The following KLF12 variants were observed in gnomAD, a reference collection of about 807,000 sequenced individuals.
KLF12 encodes Krueppel-like factor 12.
A neutral mutation model predicts 37.8 loss-of-function variants in KLF12; 9 were observed. That is an observed-to-expected ratio of 0.24 (90% CI 0.14 to 0.42). KLF12 has a LOEUF of 0.42. KLF12 is among the 10% of genes least tolerant of loss of function. KLF12 has a pLI of 1.00. For synonymous variants in KLF12, 208 were observed against 202.1 expected (o/e 1.03, Z -0.25); for missense variants, 411 against 516.0 (o/e 0.80, Z 1.97).
chr13:73,743,389 T>C (rs1878138829), intron 6 of KLF12, among the ~76,000 whole-genome samples: 1 of 152,232 alleles, frequency 6.6e-6, no homozygotes, highest in East Asian at 1.9e-4. Context: ...CAGGATCAAC[T>C]CTTCTTGTAT....
chr13:73,815,615 A>G (rs2138455490), intron 4 of KLF12, among the ~76,000 whole-genome samples: 1 of 152,336 alleles, frequency 6.6e-6, no homozygotes, highest in East Asian at 1.9e-4. Context: ...TCCAAATCAC[A>G]TATTGTATGG....
intron 6 of KLF12, among the ~76,000 whole-genome samples, chr13:73,738,570 G>A (rs1877704362): frequency 1.3e-5 from 2 of 152,090 alleles, no homozygotes; most frequent in African/African-American, 2.4e-5. Flanking sequence ...AAGTAAATAT[G>A]TATTATGTTT....
rs144571228 is a variant in KLF12, at chr13:73,876,258, T to C, written c.124-29885A>G. ...CAGATTATTGGCTGAATTCAGTTCC[T>C]TGTGGCTGTAGGACAGATGCCTTTC... On this transcript the variant is annotated intron_variant, in intron 3 of 7. Coordinates refer to ENST00000377669, the MANE Select transcript of KLF12 (RefSeq NM_007249.5). 7.7e-4 allele frequency among the ~76,000 whole-genome samples: 117 copies of C among 152,334 alleles called. 1 individual carries two copies. The highest frequency in any genetic ancestry group is 3.4e-3 in the Middle Eastern group (1 of 294).
the KLF12 span, among the ~76,000 whole-genome samples, chr13:74,290,567 A>G: frequency 2.0e-5 from 3 of 152,158 alleles, no homozygotes; most frequent in African/African-American, 4.8e-5. Context: ...CGCCAATGAG[A>G]CTGTATTTCA....
At chr13:74,004,536 C>T (rs1892362520) in intron 1 of KLF12, among the ~76,000 whole-genome samples, 1 of 152,096 alleles carries the variant, frequency 6.6e-6, no homozygotes, top group African/African-American at 2.4e-5. Context: ...CTTGGTATAA[C>T]TTCATCATGC....
intron 3 of KLF12, among the ~76,000 whole-genome samples, chr13:73,877,107 T>C (rs1214499201): frequency 6.6e-6 from 1 of 152,214 alleles, no homozygotes; most frequent in South Asian, 2.1e-4. Context: ...AAATTATACA[T>C]TGAACCTCTG....
chr13:73,736,096 C>A (rs942184924), intron 6 of KLF12, among the ~76,000 whole-genome samples: 1 of 152,080 alleles, frequency 6.6e-6, no homozygotes, highest in African/African-American at 2.4e-5. Flanking sequence ...ATGCTTGCAT[C>A]AAGATGAATC....
the KLF12 span, among the ~76,000 whole-genome samples, chr13:74,227,944 G>A: frequency 6.6e-6 from 1 of 152,108 alleles, no homozygotes; most frequent in Admixed American, 6.6e-5. Context: ...AGAATGTTTA[G>A]TCAACTTTCG....
At chr13:73,994,323 G>A (rs184214350) in intron 2 of KLF12, among the ~76,000 whole-genome samples, 70 of 152,218 alleles carry the variant, frequency 4.6e-4, no homozygotes, top group African/African-American at 1.6e-3. Flanking sequence ...CCCTACTTAC[G>A]AAATAGAGAT....
At chr13:74,054,582 A>G (rs1327792327) in intron 1 of KLF12, among the ~76,000 whole-genome samples, 1 of 152,212 alleles carries the variant, frequency 6.6e-6, no homozygotes, top group Non-Finnish European at 1.5e-5. Context: ...AAATGAAAAA[A>G]CAACTCAAGG....
chr13:74,266,932 G>A, the KLF12 span, among the ~76,000 whole-genome samples: 2 of 152,150 alleles, frequency 1.3e-5, no homozygotes, highest in African/African-American at 2.4e-5. Context: ...TTGGTAGAGG[G>A]TAGTGGATAT....
intron 2 of KLF12, among the ~76,000 whole-genome samples, chr13:73,976,561 A>G (rs1430942866): frequency 6.6e-6 from 1 of 152,144 alleles, no homozygotes; most frequent in African/African-American, 2.4e-5. Flanking sequence ...AGTTGTTTGC[A>G]ATTTTCTAAT....
At chr13:74,303,943 T>C in the KLF12 span, among the ~76,000 whole-genome samples, 6 of 152,106 alleles carry the variant, frequency 3.9e-5, no homozygotes, top group Non-Finnish European at 8.8e-5. Context: ...AATCCTGTCT[T>C]GTGCGGCACA....
intron 7 of KLF12, among the ~76,000 whole-genome samples, chr13:73,713,762 G>A (rs1187490067): frequency 6.6e-6 from 1 of 152,198 alleles, no homozygotes; most frequent in African/African-American, 2.4e-5. Flanking sequence ...AATAGTACCT[G>A]ATTAAAAATT....
chr13:74,055,166 A>C (rs1331798496), intron 1 of KLF12, among the ~76,000 whole-genome samples: 4 of 152,250 alleles, frequency 2.6e-5, no homozygotes, highest in Non-Finnish European at 5.9e-5. Flanking sequence ...AACTGCCATA[A>C]GAAAGCTAAC....
intron 3 of KLF12, among the ~76,000 whole-genome samples, chr13:73,922,105 GAATT>G (rs1889143849): frequency 6.6e-6 from 1 of 151,696 alleles, no homozygotes; most frequent in South Asian, 2.1e-4. Flanking sequence ...GCATTTAACT[GAATT>G]AATTTATTGT....
chr13:73,734,011 C>T (rs985203619), intron 6 of KLF12, among the ~76,000 whole-genome samples: 5 of 152,174 alleles, frequency 3.3e-5, no homozygotes, highest in South Asian at 2.1e-4. Context: ...TTCTGTTGAG[C>T]GTCCTCTGCT....
At chr13:73,970,537 T>C (rs1891300928) in intron 2 of KLF12, among the ~76,000 whole-genome samples, 1 of 152,192 alleles carries the variant, frequency 6.6e-6, no homozygotes, top group Non-Finnish European at 1.5e-5. Flanking sequence ...TTGGGCAGGC[T>C]GAAGAAGCTT....
the KLF12 span, among the ~76,000 whole-genome samples, chr13:74,191,921 C>T: frequency 6.6e-6 from 1 of 151,908 alleles, no homozygotes. Context: ...TTAAAAATTC[C>T]AGTCATTCCC....
Sources: allele counts gnomAD v4.1 joint callset (sites outside exome capture counted in the v4.1 genomes callset), GRCh38; gene constraint gnomAD v4.1.1; transcripts MANE v1.5; gene names NCBI Gene and HGNC (gene_info 2026-07-23, HGNC 2026-07-21).